Variants in DYNC2H1 observed in about 807,000 individuals in gnomAD.
The protein encoded by DYNC2H1 is dynein cytoplasmic 2 heavy chain 1.
In DYNC2H1, 410 loss-of-function variants were observed where a neutral mutation model predicts 570.0. That is an observed-to-expected ratio of 0.72 (90% confidence interval 0.66 to 0.78). The LOEUF (loss-of-function observed/expected upper bound fraction) is 0.78, where lower values mean the gene tolerates loss of function less well. Among genes scored for constraint, DYNC2H1 ranks in the 30% least tolerant of loss-of-function variants. The probability of loss-of-function intolerance (pLI) is 0.00; values close to 1 mark genes in which losing one functional copy is unlikely to be tolerated. For synonymous variants in DYNC2H1, 1,688 were observed against 1,677.6 expected (o/e 1.01, Z -0.15); for missense variants, 4,865 against 5,046.4 (o/e 0.96, Z 1.09).
At chr11:103,323,526 C>A (rs372895734) in intron 81 of DYNC2H1, among the ~76,000 whole-genome samples, 2 of 151,676 alleles carry the variant, frequency 1.3e-5, no homozygotes, top group Non-Finnish European at 2.9e-5. Flanking sequence ...CTGCACTCTG[C>A]AGATTGGTCT....
chr11:103,473,229 T>C (rs1945445926), intron 88 of DYNC2H1, among the ~76,000 whole-genome samples: 1 of 152,030 alleles, frequency 6.6e-6, no homozygotes, highest in Admixed American at 6.6e-5. Flanking sequence ...TTTACCATTA[T>C]CTATGTACTA....
At position 103,186,614 on chromosome 11, in the gene DYNC2H1, G is replaced by C. The variant is rs2135030077; in HGVS notation, c.6893+113G>C. ...GTTAAAGTAGCATTTACATTTTCAT[G>C]GAAGATTCATTTTATTTTCATTACT... On this transcript the variant is annotated intron_variant, in intron 42 of 88. Coordinates refer to ENST00000375735, the MANE Select transcript of DYNC2H1 (RefSeq NM_001377.3). The surrounding 1 kb of genome is among the most constrained non-coding windows in gnomAD (Gnocchi z 4.5). The C allele has an allele frequency of 7.5e-7, 1 of 1,336,776 alleles. No individual in the cohort carries two copies. Among genetic ancestry groups the C allele is most frequent in the South Asian group, 1.6e-5 (1 of 63,266 alleles). The allele number at this position is 1,336,776 out of a possible 1,614,324, so 82.8% of individuals were successfully genotyped here. A position where few individuals can be genotyped will look rare whatever the true frequency, so the allele number is the denominator to read the frequency against.
At chr11:103,455,925 A>G in intron 86 of DYNC2H1, among the ~76,000 whole-genome samples, 1 of 152,168 alleles carries the variant, frequency 6.6e-6, no homozygotes. Context: ...GGGTATTTCA[A>G]TTTGTATTGC....
chr11:103,432,377 T>G (rs1044904808), intron 84 of DYNC2H1, among the ~76,000 whole-genome samples: 2 of 152,178 alleles, frequency 1.3e-5, no homozygotes, highest in African/African-American at 4.8e-5. Context: ...TGTAAGAGGA[T>G]CAGCTTGGAT....
Position 103,120,309 on chromosome 11 carries a change from G to A in DYNC2H1, c.1000-138G>A, listed in dbSNP as rs150353690. ...TCACGTGGCAATTCTCTGGACTAGA[G>A]TTTCAGTTTTATTGGTTTTTTCTTT... On this transcript the variant is annotated intron_variant, in intron 6 of 88. Transcript: ENST00000375735. 5.5e-3 allele frequency: 4,146 copies of A among 748,786 alleles called. 17 individuals are homozygous for A. Among genetic ancestry groups the A allele is most frequent in the South Asian group, 7.2e-3 (285 of 39,436 alleles). 46.4% of individuals were successfully genotyped at this position (748,786 alleles called of 1,614,324 possible).
At chr11:103,362,049 G>C (rs999754614) in intron 83 of DYNC2H1, among the ~76,000 whole-genome samples, 1 of 152,034 alleles carries the variant, frequency 6.6e-6, no homozygotes, top group Non-Finnish European at 1.5e-5. Context: ...AATGTATCTA[G>C]ACAATTCTTT....
intron 63 of DYNC2H1, among the ~76,000 whole-genome samples, chr11:103,238,830 C>T (rs986738836): frequency 6.6e-6 from 1 of 152,154 alleles, no homozygotes; most frequent in South Asian, 2.1e-4. Context: ...ACTACGTTAG[C>T]AGAAAGCTCA....
chr11:103,174,109 A>G lies in DYNC2H1; in HGVS notation c.5613A>G (p.Thr1871=), dbSNP rs769471571. 21 of 1,591,316 alleles carry G rather than the reference A, an allele frequency of 1.3e-5. No individual in the cohort carries two copies. The South Asian group carries it at 1.8e-4, about 14-fold the overall frequency. The stretch of plus-strand genomic sequence containing the variant: ...ATTGGGGTTTGAGAGCTTTGAAGAC[A>G]GTTCTGAGAGGAAGTGGAAATCTCC... ...HYDWGLRALK[T]VLRGSGNLLR... Residue 1871 remains threonine, a synonymous_variant, in exon 36 of 89, where the codon ACA becomes ACG. Transcript: ENST00000375735.
intron 82 of DYNC2H1, among the ~76,000 whole-genome samples, chr11:103,331,519 A>G (rs34915223): frequency 0.044 from 6,761 of 152,300 alleles, 310 homozygotes; most frequent in East Asian, 0.19. Context: ...CCAACTCCTC[A>G]TTTAACACAA....
chr11:103,391,910 G>T (rs1468381017), intron 83 of DYNC2H1, among the ~76,000 whole-genome samples: 2 of 51,194 alleles, frequency 3.9e-5, no homozygotes, highest in Non-Finnish European at 7.2e-5. Flanking sequence ...TGCCCCTACT[G>T]GGGGGTGCCT....
At chr11:103,267,010 G>A (rs1865534612) in intron 70 of DYNC2H1, among the ~76,000 whole-genome samples, 1 of 152,162 alleles carries the variant, frequency 6.6e-6, no homozygotes, top group Non-Finnish European at 1.5e-5. Flanking sequence ...CAAACCCCCT[G>A]GGCTCCACAT....
rs767613863 is a variant in DYNC2H1, at chr11:103,321,207, C to T, written c.11904C>T (p.Ser3968=). 135 of 1,609,562 alleles carry T rather than the reference C, an allele frequency of 8.4e-5. 1 individual carries two copies. In the Admixed American group the frequency reaches 1.9e-3, roughly 22 times the overall value. The change falls in exon 81 of 89, where the codon TCC becomes TCT. Residue 3968 remains serine (S), a synonymous_variant. Coordinates refer to ENST00000375735, the MANE Select transcript of DYNC2H1 (RefSeq NM_001377.3). The stretch of plus-strand genomic sequence containing the variant: ...ACAAGAAAAGCATTTTTCCATATTC[C>T]GTATCTCTACCACAATCCTGCAGCA... ...QRNKKSIFPY[S]VSLPQSCSIL...
At position 103,300,038 on chromosome 11, in the gene DYNC2H1, T is replaced by G. The variant is rs1866983102; in HGVS notation, c.11096-3055T>G. ...GTTTTCTCATAAAAGAAAGGTAATT[T>G]TATACATCTGATACTTATCAGCTCT... On this transcript the variant is annotated intron_variant, in intron 75 of 88. Transcript: ENST00000375735. Among the ~76,000 whole-genome samples, 3 of 152,052 alleles carry G rather than the reference T, an allele frequency of 2.0e-5. No individual in the cohort carries two copies. The South Asian group carries it at 6.2e-4, about 31-fold the overall frequency.
chr11:103,209,832 TG>T lies in DYNC2H1; in HGVS notation c.8455-41del. 7.3e-7 allele frequency: 1 copy of T among 1,360,940 alleles called. No individual in the cohort carries two copies. The highest frequency in any genetic ancestry group is 9.6e-7 in the Non-Finnish European group (1 of 1,046,934). The allele number at this position is 1,360,940 out of a possible 1,614,324, so 84.3% of individuals were successfully genotyped here. A position where few individuals can be genotyped will look rare whatever the true frequency, so the allele number is the denominator to read the frequency against. On this transcript the variant is annotated intron_variant, in intron 52 of 88. Coordinates refer to ENST00000375735, the MANE Select transcript of DYNC2H1 (RefSeq NM_001377.3). This position sits in a 1 kb window ranked among gnomAD's most constrained non-coding sequence, Gnocchi z 4.2. ...TATTAAAGGTTTTTAACTTATGATATGGGACTTATACTCTTTCATAGTGATA... is the reference window on the plus strand; with the variant it reads ...TATTAAAGGTTTTTAACTTATGATATGGACTTATACTCTTTCATAGTGATA...
chr11:103,229,064 C>G (rs562372367), intron 59 of DYNC2H1, among the ~76,000 whole-genome samples: 108 of 152,292 alleles, frequency 7.1e-4, no homozygotes, highest in Admixed American at 1.2e-3. Flanking sequence ...AGTCTGCAGT[C>G]CTAAAGGCTG....
At position 103,134,467 on chromosome 11, in the gene DYNC2H1, C is replaced by T. The variant is rs1365747687; in HGVS notation, c.2205+48C>T. On this transcript the variant is annotated intron_variant, in intron 15 of 88. Coordinates refer to ENST00000375735, the MANE Select transcript of DYNC2H1 (RefSeq NM_001377.3). ...TGTATACTTTGAAATATGACCTTTT[C>T]AGAATGTAAGTACAATATATGAATT... The T allele has an allele frequency of 6.1e-6, 9 of 1,470,408 alleles. No individual in the cohort carries two copies. In the East Asian group the frequency reaches 2.1e-4, roughly 35 times the overall value. 91.1% of individuals were successfully genotyped at this position (1,470,408 alleles called of 1,614,324 possible).
chr11:103,212,337 G>C (rs1219382962), intron 54 of DYNC2H1, among the ~76,000 whole-genome samples: 1 of 151,860 alleles, frequency 6.6e-6, no homozygotes, highest in Admixed American at 6.6e-5. Flanking sequence ...CAACAAATAT[G>C]GTGCAGTGTA....
intron 82 of DYNC2H1, 48 bp from the exon 83 acceptor site, chr11:103,358,195 C>A: frequency 9.1e-7 from 1 of 1,100,792 alleles, no homozygotes; most frequent in Non-Finnish European, 1.3e-6. Flanking sequence ...TCTTCCTGTT[C>A]GGCTGAAGTT....
intron 28 of DYNC2H1, among the ~76,000 whole-genome samples, chr11:103,160,683 C>A (rs1474689128): frequency 2.6e-5 from 4 of 151,856 alleles, no homozygotes; most frequent in Admixed American, 6.6e-5. Context: ...ACCAGTGAAT[C>A]CTGTCACATA....
Sources: allele counts gnomAD v4.1 joint callset (sites outside exome capture counted in the v4.1 genomes callset), GRCh38; gene constraint gnomAD v4.1.1; non-coding constraint Gnocchi (gnomAD v3.1); transcripts MANE v1.5; gene names NCBI Gene and HGNC (gene_info 2026-07-23, HGNC 2026-07-21).